The following TIGAR variants were observed in gnomAD, a reference collection of about 807,000 sequenced individuals.
TIGAR encodes the protein TP53 induced glycolysis regulatory phosphatase, also known as fructose-2,6-bisphosphatase TIGAR.
Under a neutral mutation model 17.9 loss-of-function variants are expected in TIGAR, and 7 were observed. That is an observed-to-expected ratio of 0.39 (90% CI 0.22 to 0.73). The LOEUF (loss-of-function observed/expected upper bound fraction) is 0.73. Ranked by LOEUF, TIGAR falls within the 30% of genes least tolerant of loss-of-function variation. The pLI is 0.42. For missense variants in TIGAR, 258 were observed against 327.4 expected (o/e 0.79, Z 1.64); for synonymous variants, 94 against 108.6 (o/e 0.87, Z 0.84).
chr12:4,333,765 A>G (rs951981808), intron 2 of TIGAR, among the ~76,000 whole-genome samples: 4 of 151,986 alleles, frequency 2.6e-5, no homozygotes, highest in Non-Finnish European at 5.9e-5. Context: ...CGCCTGGCCT[A>G]ATTTTTGTAT....
intron 5 of TIGAR, among the ~76,000 whole-genome samples, 169 bp downstream of exon 5, chr12:4,351,546 C>G (rs779033973): frequency 2.6e-5 from 4 of 152,044 alleles, no homozygotes; most frequent in Non-Finnish European, 5.9e-5. Context: ...ATTTACTGTT[C>G]AGTTGCCTTT....
intron 2 of TIGAR, among the ~76,000 whole-genome samples, chr12:4,332,086 G>A (rs189160499): frequency 8.5e-5 from 13 of 152,124 alleles, no homozygotes; most frequent in African/African-American, 3.1e-4. Flanking sequence ...TTACCACCTG[G>A]CCTTTGGTAT....
At position 4,352,860 on chromosome 12, in the gene TIGAR, T is replaced by C; in HGVS notation, c.*169T>C. ...ACTTTAATGGACAACCATATAGAATTAACTTATTTTGTCCAAGTACAGTTG... is the reference window on the plus strand; with the variant it reads ...ACTTTAATGGACAACCATATAGAATCAACTTATTTTGTCCAAGTACAGTTG... On this transcript the variant is annotated 3_prime_UTR_variant, in exon 6 of 6. Coordinates refer to ENST00000179259, the MANE Select transcript of TIGAR (RefSeq NM_020375.3). 1.7e-6 allele frequency: 1 copy of C among 604,718 alleles called. No homozygotes were observed. The highest frequency in any genetic ancestry group is 2.8e-6 in the Non-Finnish European group (1 of 355,910). The allele number at this position is 604,718 out of a possible 1,614,324, so 37.5% of individuals were successfully genotyped here.
At chr12:4,346,944 T>C (rs1169837243) in intron 3 of TIGAR, among the ~76,000 whole-genome samples, 1 of 152,144 alleles carries the variant, frequency 6.6e-6, no homozygotes, top group African/African-American at 2.4e-5. Context: ...TGTATGCTGT[T>C]GGTGGGAATG....
In TIGAR at chr12:4,352,981, T is replaced by A. The variant is rs1864853647; in HGVS notation, c.*290T>A. On this transcript the variant is annotated 3_prime_UTR_variant, in exon 6 of 6. Transcript: ENST00000179259. Reference sequence around the variant, plus strand: ...TCAGCATTGAAAGTTGGGGGATTAGTAACCTTGTTACAACGGTTTCTTTTT... The same window carrying A: ...TCAGCATTGAAAGTTGGGGGATTAGAAACCTTGTTACAACGGTTTCTTTTT... 2.9e-6 allele frequency: 1 copy of A among 349,860 alleles called. No individual in the cohort carries two copies. The highest frequency in any genetic ancestry group is 5.2e-6 in the Non-Finnish European group (1 of 192,676). 21.7% of individuals were successfully genotyped at this position (349,860 alleles called of 1,614,324 possible).
At chr12:4,325,611 A>G (rs1459621262) in intron 1 of TIGAR, among the ~76,000 whole-genome samples, 1 of 151,722 alleles carries the variant, frequency 6.6e-6, no homozygotes, top group Non-Finnish European at 1.5e-5. Context: ...GCGTAGTGGC[A>G]CTCGCCTGTA....
At position 4,352,734 on chromosome 12, in the gene TIGAR, G is replaced by A. The variant is rs368480252; in HGVS notation, c.*43G>A. ...AATCTAACCATTTTGAGCCTCTGAA[G>A]GGAGTGCCATTGGCTTTATTTACTT... On this transcript the variant is annotated 3_prime_UTR_variant, in exon 6 of 6. Transcript: ENST00000179259. The A allele has an allele frequency of 1.2e-5, 19 of 1,552,762 alleles. No individual in the cohort carries two copies. In the African/African-American group the frequency reaches 1.8e-4, roughly 14 times the overall value.
rs941852886 is a variant in TIGAR at position 4,356,233 on chromosome 12, C to T, written c.*3542C>T. ...TGTTGGCAGGGACCAGGCCAGAGTG[C>T]CTCCAATGGCTAACTAAGGAGCCTG... On this transcript the variant is annotated 3_prime_UTR_variant, in exon 6 of 6. Transcript: ENST00000179259. 2.4e-4 allele frequency among the ~76,000 whole-genome samples: 37 copies of T among 152,100 alleles called. No homozygotes were observed. Among genetic ancestry groups the T allele is most frequent in the African/African-American group, 8.2e-4 (34 of 41,398 alleles).
intron 2 of TIGAR, among the ~76,000 whole-genome samples, chr12:4,333,691 A>G (rs1157633298): frequency 1.3e-5 from 2 of 152,118 alleles, no homozygotes; most frequent in African/African-American, 2.4e-5. Context: ...CTGGTCTCGA[A>G]CTAACCTGGT....
At chr12:4,337,616 C>T (rs1487990957) in intron 3 of TIGAR, among the ~76,000 whole-genome samples, 1 of 151,980 alleles carries the variant, frequency 6.6e-6, no homozygotes, top group Non-Finnish European at 1.5e-5. Context: ...TTATTTTGTA[C>T]TTTTTAAAAA....
chr12:4,322,906 C>A (rs1284540332), intron 1 of TIGAR, among the ~76,000 whole-genome samples: 1 of 152,064 alleles, frequency 6.6e-6, no homozygotes, highest in African/African-American at 2.4e-5. Context: ...GAGGCCTGAT[C>A]ACCCTTTCTT....
At chr12:4,347,410 A>G (rs1455885740) in intron 3 of TIGAR, among the ~76,000 whole-genome samples, 2 of 152,144 alleles carry the variant, frequency 1.3e-5, no homozygotes, top group Non-Finnish European at 2.9e-5. Flanking sequence ...GAAAGGTAGT[A>G]GGGGGAGGTG....
rs1429050816 is a variant in TIGAR, at chr12:4,359,136, A to G, written c.*6445A>G. 1.3e-5 allele frequency among the ~76,000 whole-genome samples: 2 copies of G among 150,584 alleles called. No individual in the cohort carries two copies. The highest frequency in any genetic ancestry group is 3.0e-5 in the Non-Finnish European group (2 of 67,776). On this transcript the variant is annotated 3_prime_UTR_variant, in exon 6 of 6. Transcript: ENST00000179259. ...TTTTTTTCTTTAGCCAACTCACGCC[A>G]TGACTCTACTTTTGCTTCTATGTTT...
chr12:4,328,693 C>T (rs2120650608), intron 1 of TIGAR, among the ~76,000 whole-genome samples: 1 of 151,894 alleles, frequency 6.6e-6, no homozygotes, highest in African/African-American at 2.4e-5. Flanking sequence ...TCTTCTGCCT[C>T]AGCCTCCCGA....
At position 4,357,353 on chromosome 12, in the gene TIGAR, G is replaced by A. The variant is rs1288060444; in HGVS notation, c.*4662G>A. Among the ~76,000 whole-genome samples the A allele has an allele frequency of 6.6e-6, 1 of 152,212 alleles. No individual in the cohort carries two copies. The highest frequency in any genetic ancestry group is 1.5e-5 in the Non-Finnish European group (1 of 68,038). ...TCCACCTGGCATAATTATCAGCCCT[G>A]TTAAGCACAGACACAGGAGATGCAA... On this transcript the variant is annotated 3_prime_UTR_variant, in exon 6 of 6. Transcript: ENST00000179259.
chr12:4,349,709 G>A (rs1335293514), intron 3 of TIGAR, 110 bp from the exon 4 acceptor site: 1 of 871,324 alleles, frequency 1.1e-6, no homozygotes, highest in Non-Finnish European at 1.8e-6. Flanking sequence ...GAGCCACCGT[G>A]CCTGGTTCTA....
rs1264232572 is a variant in TIGAR, at chr12:4,354,653, CTA to C, written c.*1964_*1965del. ...ATAGATCTAGTTAATTATAACCACT[CTA>C]TTCTATTAAATATAGCACATTTTTG... On this transcript the variant is annotated 3_prime_UTR_variant, in exon 6 of 6. Coordinates refer to ENST00000179259, the MANE Select transcript of TIGAR (RefSeq NM_020375.3). The C allele has an allele frequency of 6.7e-6, 1 of 148,156 alleles. No homozygotes were observed. The highest frequency in any genetic ancestry group is 2.6e-5 in the African/African-American group (1 of 38,286). 9.2% of individuals were successfully genotyped at this position (148,156 alleles called of 1,614,324 possible). A position where few individuals can be genotyped will look rare whatever the true frequency, so the allele number is the denominator to read the frequency against.
Position 4,358,512 on chromosome 12 carries a change from CCTCT to C in TIGAR, c.*5822_*5825del, listed in dbSNP as rs1449697937. On this transcript the variant is annotated 3_prime_UTR_variant, in exon 6 of 6. Coordinates refer to ENST00000179259, the MANE Select transcript of TIGAR (RefSeq NM_020375.3). Reference sequence around the variant, plus strand: ...CTTGCTTTGCCATTTTTTCTCTCTCCCTCTGTTTTCCCCTGAAACATTGGAGAGT... The same window carrying C: ...CTTGCTTTGCCATTTTTTCTCTCTCCGTTTTCCCCTGAAACATTGGAGAGT... 1.3e-5 allele frequency among the ~76,000 whole-genome samples: 2 copies of C among 152,034 alleles called. No individual in the cohort carries two copies. The highest frequency in any genetic ancestry group is 6.5e-5 in the Admixed American group (1 of 15,280).
At chr12:4,342,838 A>G (rs1313791925) in intron 3 of TIGAR, among the ~76,000 whole-genome samples, 1 of 152,230 alleles carries the variant, frequency 6.6e-6, no homozygotes, top group Non-Finnish European at 1.5e-5. Context: ...CTAATGAGCA[A>G]AATAAGCAGC....
Sources: gnomAD v4.1 joint callset for allele counts (sites outside exome capture counted in the v4.1 genomes callset) on GRCh38, gnomAD v4.1.1 for gene constraint, MANE v1.5 for transcripts, NCBI Gene and HGNC (gene_info 2026-07-23, HGNC 2026-07-21) for gene names.